EPC2: variants seen among roughly 807,000 people sequenced by gnomAD.
EPC2 encodes the protein enhancer of polycomb homolog 2.
In EPC2, 14 loss-of-function variants were observed where a neutral mutation model predicts 92.1. That is an observed-to-expected ratio of 0.15 (90% CI 0.10 to 0.24). EPC2 has a LOEUF of 0.24. Among genes scored for constraint, EPC2 ranks in the 10% least tolerant of loss-of-function variants. EPC2 has a pLI of 1.00. For missense variants in EPC2, 755 were observed against 971.5 expected (o/e 0.78, Z 2.96); for synonymous variants, 340 against 334.7 (o/e 1.02, Z -0.17).
chr2:148,764,961 C>T lies in EPC2; in HGVS notation c.955C>T (p.His319Tyr). 1.3e-6 allele frequency: 2 copies of T among 1,549,656 alleles called. No homozygotes were observed. Among genetic ancestry groups the T allele is most frequent in the Non-Finnish European group, 1.7e-6 (2 of 1,150,114 alleles). ...AAAATCGTCATGTAAACAGCACCCT[C>T]ATCATTTGTCTTTGAAAGAAGAGGC... ...KVQECKTKHP[H>Y]HLSLKEEASD... The change falls in exon 7 of 14, where the codon CAT becomes TAT. Residue 319 changes from histidine (H) to tyrosine (Y), a missense_variant. Physicochemically the swap from His to Tyr is moderately conservative, Grantham distance 83. Around this residue, in one of 4 missense-constraint regions of EPC2, gnomAD observed 509 missense variants for 607.7 expected, o/e 0.84. Transcript: ENST00000258484.
chr2:148,743,071 T>C (rs940911933), intron 2 of EPC2, among the ~76,000 whole-genome samples: 1 of 152,182 alleles, frequency 6.6e-6, no homozygotes, highest in African/African-American at 2.4e-5. Context: ...ACCCTGTATG[T>C]TCCTCTAGTA....
At chr2:148,689,050 G>A (rs1187482012) in intron 1 of EPC2, among the ~76,000 whole-genome samples, 3 of 152,130 alleles carry the variant, frequency 2.0e-5, no homozygotes, top group Non-Finnish European at 4.4e-5. Flanking sequence ...AAGACTGGAA[G>A]CAATTTTGAA....
chr2:148,742,628 A>G (rs1682899338), intron 2 of EPC2, among the ~76,000 whole-genome samples: 2 of 151,720 alleles, frequency 1.3e-5, no homozygotes, highest in East Asian at 1.9e-4. Flanking sequence ...AAAAAATGCA[A>G]TATTAGCTGG....
chr2:148,770,594 G>C (rs16829254), intron 8 of EPC2, among the ~76,000 whole-genome samples, 198 bp from the exon 9 acceptor site: 2,082 of 152,076 alleles, frequency 0.014, 45 homozygotes, highest in African/African-American at 0.047. Context: ...TGGTAATCTT[G>C]GTGAGTGAAC....
At chr2:148,782,053 G>GT in intron 11 of EPC2, among the ~76,000 whole-genome samples, 1 of 152,192 alleles carries the variant, frequency 6.6e-6, no homozygotes, top group East Asian at 1.9e-4. Flanking sequence ...TATATATGTA[G>GT]TTGTAAGAAT....
intron 2 of EPC2, among the ~76,000 whole-genome samples, chr2:148,724,979 C>T (rs1415233314): frequency 6.6e-6 from 1 of 151,904 alleles, no homozygotes; most frequent in African/African-American, 2.4e-5. Context: ...TGGTTATGGG[C>T]AGGAAATATT....
At chr2:148,758,849 T>C (rs915929047) in intron 4 of EPC2, among the ~76,000 whole-genome samples, 4 of 152,224 alleles carry the variant, frequency 2.6e-5, no homozygotes, top group Non-Finnish European at 4.4e-5. Flanking sequence ...AATACCACTT[T>C]TGTGGTAGTT....
At chr2:148,754,594 A>G (rs1683146164) in intron 4 of EPC2, among the ~76,000 whole-genome samples, 1 of 152,146 alleles carries the variant, frequency 6.6e-6, no homozygotes, top group African/African-American at 2.4e-5. Context: ...CTTGGAAACC[A>G]TATTGTAGTT....
chr2:148,728,621 T>G (rs1389096498), intron 2 of EPC2, among the ~76,000 whole-genome samples: 1 of 151,962 alleles, frequency 6.6e-6, no homozygotes, highest in African/African-American at 2.4e-5. Flanking sequence ...TCCCAGCTAT[T>G]TGGGAGGCTG....
chr2:148,649,806 A>G (rs1680632883), intron 1 of EPC2, among the ~76,000 whole-genome samples: 1 of 152,236 alleles, frequency 6.6e-6, no homozygotes, highest in Admixed American at 6.5e-5. Context: ...GATTAAGTTC[A>G]TTATAGCTTT....
intron 2 of EPC2, among the ~76,000 whole-genome samples, chr2:148,711,678 G>A (rs1442736169): frequency 6.6e-6 from 1 of 152,076 alleles, no homozygotes; most frequent in Non-Finnish European, 1.5e-5. Flanking sequence ...CTGATAGAAG[G>A]CTATTAAAAT....
intron 11 of EPC2, 103 bp downstream of exon 11, chr2:148,781,883 CTTGAT>C (rs1455940167): frequency 2.9e-6 from 4 of 1,388,812 alleles, no homozygotes; most frequent in African/African-American, 2.9e-5. Flanking sequence ...TTTTGCCACT[CTTGAT>C]TTGGGGTCTG....
chr2:148,672,413 A>G (rs141490796), intron 1 of EPC2, among the ~76,000 whole-genome samples: 101 of 152,220 alleles, frequency 6.6e-4, no homozygotes, highest in Middle Eastern at 3.4e-3. Flanking sequence ...CATCTACTCT[A>G]TCTCTCACAT....
intron 4 of EPC2, 46 bp downstream of exon 4, chr2:148,754,179 A>C (rs1683136337): frequency 1.4e-6 from 2 of 1,387,166 alleles, no homozygotes; most frequent in East Asian, 5.0e-5. Context: ...AATAGTATTC[A>C]AGATCAATCT....
intron 7 of EPC2, among the ~76,000 whole-genome samples, chr2:148,767,534 T>G (rs1683433117): frequency 6.6e-6 from 1 of 152,228 alleles, no homozygotes; most frequent in Non-Finnish European, 1.5e-5. Flanking sequence ...CGTCATTCAG[T>G]GAGGCAGCTA....
intron 3 of EPC2, among the ~76,000 whole-genome samples, chr2:148,745,707 A>T (rs1682973136): frequency 6.6e-6 from 1 of 152,110 alleles, no homozygotes; most frequent in African/African-American, 2.4e-5. Flanking sequence ...AAGATAACAA[A>T]GGGCTATCTT....
intron 3 of EPC2, among the ~76,000 whole-genome samples, chr2:148,746,905 A>T (rs1356455355): frequency 6.6e-6 from 1 of 152,112 alleles, no homozygotes; most frequent in Non-Finnish European, 1.5e-5. Context: ...GTCTTGGTGT[A>T]AATGGATATA....
chr2:148,687,147 T>C (rs1681545339), intron 1 of EPC2, among the ~76,000 whole-genome samples: 1 of 152,242 alleles, frequency 6.6e-6, no homozygotes, highest in African/African-American at 2.4e-5. Flanking sequence ...TGCCTCACCT[T>C]GCGCTTTTAT....
intron 2 of EPC2, among the ~76,000 whole-genome samples, chr2:148,718,102 T>G (rs759478736): frequency 6.6e-6 from 1 of 152,128 alleles, no homozygotes; most frequent in Non-Finnish European, 1.5e-5. Context: ...TAGTAAATTG[T>G]CTTCAGTCTC....
Sources: gnomAD v4.1 joint callset for allele counts (sites outside exome capture counted in the v4.1 genomes callset) on GRCh38, gnomAD v4.1.1 for gene constraint, gnomAD v4.1.1 regional missense constraint, MANE v1.5 for transcripts, NCBI Gene and HGNC (gene_info 2026-07-23, HGNC 2026-07-21) for gene names.